The following SCN11A variants were observed in gnomAD, a reference collection of about 807,000 sequenced individuals.
SCN11A encodes the protein sodium voltage-gated channel alpha subunit 11, also known as sodium channel protein type 11 subunit alpha.
In SCN11A, 122 loss-of-function variants were observed where a neutral mutation model predicts 162.2. The ratio of observed to expected loss-of-function variants is 0.75; its 90% CI spans 0.65 to 0.87. The LOEUF (loss-of-function observed/expected upper bound fraction) is 0.87. SCN11A is among the 40% of genes least tolerant of loss of function. SCN11A has a pLI of 0.00. For synonymous variants in SCN11A, 758 were observed against 751.5 expected, an observed-to-expected ratio of 1.01 and a Z score of -0.14; for missense variants, 2,015 against 2,181.6, an observed-to-expected ratio of 0.92 and a Z score of 1.52.
intron 7 of SCN11A, among the ~76,000 whole-genome samples, chr3:38,941,926 A>G (rs1177031973): frequency 6.6e-6 from 1 of 152,186 alleles, no homozygotes; most frequent in Non-Finnish European, 1.5e-5. Flanking sequence ...AGACTGCATA[A>G]AAAGCAAAAA....
chr3:38,899,363 C>T (rs1204523793), intron 17 of SCN11A, among the ~76,000 whole-genome samples: 1 of 152,170 alleles, frequency 6.6e-6, no homozygotes, highest in Non-Finnish European at 1.5e-5. Flanking sequence ...TTCCAGAATG[C>T]TTCCAAACTG....
intron 22 of SCN11A, among the ~76,000 whole-genome samples, chr3:38,882,285 G>T (rs1267016165): frequency 6.6e-6 from 1 of 152,150 alleles, no homozygotes; most frequent in African/African-American, 2.4e-5. Flanking sequence ...AAGCTATGGG[G>T]TGTAGGAGCA....
chr3:39,001,664 A>G (rs1170255851), intron 2 of SCN11A, among the ~76,000 whole-genome samples: 1 of 152,080 alleles, frequency 6.6e-6, no homozygotes, highest in African/African-American at 2.4e-5. Context: ...GCCCAACTTT[A>G]TTCTTTTCTA....
chr3:38,992,083 A>ACAGG (rs2030469726), intron 2 of SCN11A, among the ~76,000 whole-genome samples: 1 of 152,184 alleles, frequency 6.6e-6, no homozygotes, highest in South Asian at 2.1e-4. Context: ...TGCTGGGATT[A>ACAGG]CAGGCATGAG....
chr3:39,045,955 A>C (rs1272911192), intron 1 of SCN11A, among the ~76,000 whole-genome samples: 1 of 152,200 alleles, frequency 6.6e-6, no homozygotes, highest in African/African-American at 2.4e-5. Context: ...GTAGGATATA[A>C]AATCAATATA....
In SCN11A at chr3:38,904,119, C is replaced by T. The variant is rs370819771; in HGVS notation, c.1604-16G>A. 3.2e-5 allele frequency: 49 copies of T among 1,519,174 alleles called. No homozygotes were observed. The Middle Eastern group carries it at 5.3e-4, about 16-fold the overall frequency. The allele number at this position is 1,519,174 out of a possible 1,614,324, so 94.1% of individuals were successfully genotyped here. On this transcript the variant is annotated splice_polypyrimidine_tract_variant and intron_variant, in intron 15 of 29. Coordinates refer to ENST00000302328, the MANE Select transcript of SCN11A (RefSeq NM_001349253.2). ...TTTTCTTGTTCTGGAGGAGAATGAG[C>T]GAGAGGTTGAGGAGTTAGCTCTGAA... is the stretch of plus-strand genomic sequence containing the variant.
chr3:38,912,548 G>A (rs141636996), intron 11 of SCN11A, among the ~76,000 whole-genome samples: 8,377 of 152,026 alleles, frequency 0.055, 775 homozygotes, highest in African/African-American at 0.19. Context: ...ATGTCACAGG[G>A]GCTTGTTGTA....
chr3:38,883,503 C>A lies in SCN11A; in HGVS notation c.3065-116G>T, dbSNP rs2065344918. The A allele has an allele frequency of 3.3e-6, 3 of 913,592 alleles. No individual in the cohort carries two copies. In the South Asian group the frequency reaches 5.1e-5, roughly 16 times the overall value. The allele number at this position is 913,592 out of a possible 1,614,324, so 56.6% of individuals were successfully genotyped here. On this transcript the variant is annotated intron_variant, in intron 21 of 29. Transcript: ENST00000302328. The stretch of plus-strand genomic sequence containing the variant: ...TTGCCATGCGACCTGCAGTTGCTCC[C>A]ATTAAAGAAGTAGAGCATCTTTTTC...
At chr3:38,902,064 C>T (rs898206834) in intron 16 of SCN11A, among the ~76,000 whole-genome samples, 1 of 152,342 alleles carries the variant, frequency 6.6e-6, no homozygotes. Context: ...CAGATCACCA[C>T]TGCAATTGGG....
rs2066589592 is a variant in SCN11A, at chr3:38,950,201, A to T, written c.162T>A (p.Leu54=). The change falls in exon 5 of 30, where the codon CTT becomes CTA. Residue 54 remains leucine, a synonymous_variant. Coordinates refer to ENST00000302328, the MANE Select transcript of SCN11A (RefSeq NM_001349253.2). ...TGEVPQPRPQ[L]DLKASRKLPK... The stretch of plus-strand genomic sequence containing the variant: ...GCAACTTCCTGGAGGCCTTTAGGTC[A>T]AGCTGAGGCCGAGGCTGGGGTACTT... 6.2e-7 allele frequency: 1 copy of T among 1,613,808 alleles called. No individual in the cohort carries two copies. Among genetic ancestry groups the T allele is most frequent in the Admixed American group, 1.7e-5 (1 of 59,990 alleles).
Position 38,867,396 on chromosome 3 carries a change from G to T in SCN11A, c.3876C>A (p.Ile1292=). The change falls in exon 27 of 30, where the codon ATC becomes ATA. Residue 1292 remains isoleucine, a synonymous_variant. Transcript: ENST00000302328. ...TCAGAGTGAAGAATGAGCCAAAGAT[G>T]ATAAAGACTACGAAGTAAATGTAAC... ...SLGYIYFVVF[I]IFGSFFTLNL... The T allele has an allele frequency of 6.2e-7, 1 of 1,612,518 alleles. No homozygotes were observed.
chr3:38,966,485 T>C lies in SCN11A; in HGVS notation c.-279-6062A>G, dbSNP rs141077839. ...ATTGTACATTTTTATTGCTATACAA[T>C]ATTTTATCCATTTATGGGGTATATT... On this transcript the variant is annotated intron_variant, in intron 2 of 29. Coordinates refer to ENST00000302328, the MANE Select transcript of SCN11A (RefSeq NM_001349253.2). Among the ~76,000 whole-genome samples, 519 of 152,312 alleles carry C rather than the reference T, an allele frequency of 3.4e-3. 1 individual carries two copies. Among genetic ancestry groups the C allele is most frequent in the Middle Eastern group, 6.8e-3 (2 of 294 alleles).
intron 7 of SCN11A, among the ~76,000 whole-genome samples, chr3:38,938,479 GAAAAT>G (rs1250623350): frequency 1.0e-5 from 1 of 97,852 alleles, no homozygotes; most frequent in African/African-American, 3.5e-5. Flanking sequence ...GTATAATGAA[GAAAAT>G]AAAAGAAGGC....
intron 3 of SCN11A, among the ~76,000 whole-genome samples, chr3:38,957,216 A>G (rs1264187763): frequency 6.6e-6 from 1 of 152,166 alleles, no homozygotes; most frequent in African/African-American, 2.4e-5. Flanking sequence ...AAAGAGAGAA[A>G]ATGACCAGAA....
At chr3:38,929,629 T>C (rs2066207635) in intron 7 of SCN11A, among the ~76,000 whole-genome samples, 2 of 152,214 alleles carry the variant, frequency 1.3e-5, no homozygotes, top group South Asian at 4.1e-4. Context: ...TATTCTATCC[T>C]TGCTATGGTT....
chr3:38,853,855 T>C (rs975360882), intron 28 of SCN11A, among the ~76,000 whole-genome samples: 5 of 152,232 alleles, frequency 3.3e-5, no homozygotes, highest in African/African-American at 1.2e-4. Context: ...GTGCCTATTG[T>C]ACTACTTTAT....
At chr3:38,863,035 G>C (rs547720087) in intron 28 of SCN11A, among the ~76,000 whole-genome samples, 160 bp downstream of exon 28, 112 of 152,204 alleles carry the variant, frequency 7.4e-4, no homozygotes, top group African/African-American at 2.5e-3. Context: ...TTTTGAGTTT[G>C]AGTATCTAAT....
chr3:38,983,232 CCT>C (rs1165466646), intron 2 of SCN11A, among the ~76,000 whole-genome samples: 11 of 152,124 alleles, frequency 7.2e-5, no homozygotes, highest in Non-Finnish European at 1.5e-4. Flanking sequence ...CCTCTTCACC[CCT>C]GAGCTTTGAT....
intron 5 of SCN11A, 27 bp downstream of exon 5, chr3:38,950,069 A>AGC: frequency 1.5e-5 from 1 of 65,030 alleles, no homozygotes; most frequent in Non-Finnish European, 3.1e-5. Context: ...CCCCACCCCC[A>AGC]CCCCCCCCCC....
Sources: gnomAD v4.1 joint callset for allele counts (sites outside exome capture counted in the v4.1 genomes callset) on GRCh38, gnomAD v4.1.1 for gene constraint, MANE v1.5 for transcripts, NCBI Gene and HGNC (gene_info 2026-07-23, HGNC 2026-07-21) for gene names.